PRKN: variants seen among roughly 807,000 people sequenced by gnomAD.
PRKN encodes the protein E3 ubiquitin-protein ligase parkin.
PRKN carries 56 observed loss-of-function variants against 59.5 expected under a neutral mutation model. That is an observed-to-expected ratio of 0.94 (90% CI 0.76 to 1.18). The LOEUF (loss-of-function observed/expected upper bound fraction) is 1.18. Ranked by LOEUF, PRKN falls within the 50% of genes most tolerant of loss-of-function variation. The pLI is 0.00. For synonymous variants in PRKN, 250 were observed against 222.1 expected, an observed-to-expected ratio of 1.13 and a Z score of -1.12; for missense variants, 657 against 596.4, an observed-to-expected ratio of 1.10 and a Z score of -1.06.
chr6:161,441,582 T>C (rs755859188), intron 9 of PRKN, among the ~76,000 whole-genome samples: 1 of 145,460 alleles, frequency 6.9e-6, no homozygotes, highest in Non-Finnish European at 1.5e-5. Flanking sequence ...GAGGTGGAGG[T>C]TGCAGTGAGC....
chr6:161,936,806 G>A (rs1487962918), intron 6 of PRKN, among the ~76,000 whole-genome samples: 1 of 145,188 alleles, frequency 6.9e-6, no homozygotes, highest in Non-Finnish European at 1.5e-5. Context: ...TTTTTTTTGA[G>A]ACAGAGTCTT....
chr6:162,211,460 T>C (rs1207545680), intron 3 of PRKN, among the ~76,000 whole-genome samples: 7 of 152,200 alleles, frequency 4.6e-5, no homozygotes, highest in Non-Finnish European at 8.8e-5. Flanking sequence ...TGAGAATCAA[T>C]ACAATTTCTT....
chr6:162,293,435 A>T (rs1781527861), intron 2 of PRKN, among the ~76,000 whole-genome samples: 1 of 152,216 alleles, frequency 6.6e-6, no homozygotes, highest in Non-Finnish European at 1.5e-5. Context: ...TACTCCATTC[A>T]TGGAGGAGGT....
chr6:161,917,196 C>T (rs1168977786), intron 6 of PRKN, among the ~76,000 whole-genome samples: 1 of 150,706 alleles, frequency 6.6e-6, no homozygotes, highest in Non-Finnish European at 1.5e-5. Context: ...ACCTGCAGCT[C>T]CAGGGCTCAA....
intron 6 of PRKN, among the ~76,000 whole-genome samples, chr6:161,915,164 T>C (rs1778508766): frequency 6.6e-6 from 1 of 152,106 alleles, no homozygotes; most frequent in African/African-American, 2.4e-5. Flanking sequence ...TGTATGCCTG[T>C]AGTCCCAGCT....
At chr6:162,118,091 T>G (rs1780751496) in intron 4 of PRKN, among the ~76,000 whole-genome samples, 2 of 149,266 alleles carry the variant, frequency 1.3e-5, no homozygotes, top group Non-Finnish European at 3.0e-5. Context: ...AGTGAAACAT[T>G]TTCATTAACA....
chr6:161,654,697 G>A (rs1034971801), intron 7 of PRKN, among the ~76,000 whole-genome samples: 3 of 152,194 alleles, frequency 2.0e-5, no homozygotes, highest in Non-Finnish European at 2.9e-5. Flanking sequence ...GTGTATCTAC[G>A]TAGGATGTAG....
rs1028328147 is a variant in PRKN, at chr6:161,373,087, G to A, written c.1168-12882C>T. On this transcript the variant is annotated intron_variant, in intron 10 of 11. Transcript: ENST00000366898. The surrounding 1 kb of genome is among the most constrained non-coding windows in gnomAD (Gnocchi z 4.8). ...TGGCCTCCCAAAGTGTGGGGCTGCC[G>A]GTGTGAACCACCACACTCGGTAGGG... Among the ~76,000 whole-genome samples the A allele has an allele frequency of 1.6e-4, 25 of 152,030 alleles. No homozygotes were observed. Among genetic ancestry groups the A allele is most frequent in the African/African-American group, 5.8e-4 (24 of 41,396 alleles).
intron 9 of PRKN, among the ~76,000 whole-genome samples, chr6:161,472,363 T>G (rs538198925): frequency 6.6e-6 from 1 of 151,968 alleles, no homozygotes; most frequent in East Asian, 1.9e-4. Context: ...GAAAAATGGG[T>G]CAACTAATTT....
intron 5 of PRKN, among the ~76,000 whole-genome samples, chr6:162,030,509 C>T (rs1783596469): frequency 2.0e-5 from 3 of 152,142 alleles, no homozygotes; most frequent in Non-Finnish European, 4.4e-5. Flanking sequence ...GGAATCAAGC[C>T]TTCTTTTTAC....
chr6:162,703,960 C>T (rs960769088), intron 1 of PRKN, among the ~76,000 whole-genome samples: 5 of 152,182 alleles, frequency 3.3e-5, no homozygotes, highest in East Asian at 1.9e-4. Flanking sequence ...GCCCTTCTCA[C>T]GTGGAGACCA....
intron 1 of PRKN, among the ~76,000 whole-genome samples, chr6:162,577,083 C>A (rs1780588032): frequency 6.6e-6 from 1 of 152,022 alleles, no homozygotes; most frequent in Non-Finnish European, 1.5e-5. Flanking sequence ...CAAAAACACA[C>A]ATATGCAAAT....
At position 161,549,998 on chromosome 6, in the gene PRKN, T is replaced by G. The variant is rs576620742; in HGVS notation, c.934-995A>C. Among the ~76,000 whole-genome samples the G allele has an allele frequency of 3.3e-5, 5 of 152,038 alleles. No homozygotes were observed. The South Asian group carries it at 1.0e-3, about 32-fold the overall frequency. The stretch of plus-strand genomic sequence containing the variant: ...AGGGAGAGTCCAAAGAAGGTGGAGA[T>G]TTCAATTTTAAAGAGGTGATTACAG... On this transcript the variant is annotated intron_variant, in intron 8 of 11. Transcript: ENST00000366898. This position sits in a 1 kb window ranked among gnomAD's most constrained non-coding sequence, Gnocchi z 6.0.
Position 161,448,546 on chromosome 6 carries a change from T to C in PRKN, c.1084-61669A>G, listed in dbSNP as rs1196016346. ...AGATCTTGCGATTCTCTTATCCCAG[T>C]TTCTTCCGTCTTTCTTCTCTTCTTT... is the stretch of plus-strand genomic sequence containing the variant. On this transcript the variant is annotated intron_variant, in intron 9 of 11. Coordinates refer to ENST00000366898, the MANE Select transcript of PRKN (RefSeq NM_004562.3). This position sits in a 1 kb window ranked among gnomAD's most constrained non-coding sequence, Gnocchi z 5.1. Among the ~76,000 whole-genome samples, 1 of 152,240 alleles carries C rather than the reference T, an allele frequency of 6.6e-6. No individual in the cohort carries two copies. The highest frequency in any genetic ancestry group is 2.4e-5 in the African/African-American group (1 of 41,468).
chr6:162,257,327 A>T (rs747282097), intron 3 of PRKN, among the ~76,000 whole-genome samples: 2 of 152,146 alleles, frequency 1.3e-5, no homozygotes, highest in African/African-American at 2.4e-5. Flanking sequence ...AAAGCAAAAA[A>T]TTCTGAAAAA....
intron 4 of PRKN, among the ~76,000 whole-genome samples, chr6:162,170,950 A>G (rs954772451): frequency 6.6e-6 from 1 of 152,234 alleles, no homozygotes; most frequent in African/African-American, 2.4e-5. Flanking sequence ...ACATATGAAA[A>G]TAACTATCCA....
intron 1 of PRKN, among the ~76,000 whole-genome samples, chr6:162,510,716 G>C (rs955666587): frequency 1.3e-5 from 2 of 152,136 alleles, no homozygotes; most frequent in African/African-American, 2.4e-5. Flanking sequence ...GAGGTCAAGA[G>C]TTCAAGACCA....
At chr6:161,972,471 T>C (rs1780855225) in intron 6 of PRKN, among the ~76,000 whole-genome samples, 1 of 152,160 alleles carries the variant, frequency 6.6e-6, no homozygotes, top group South Asian at 2.1e-4. Flanking sequence ...TTCTTCCACT[T>C]TGTCCTTGGC....
intron 2 of PRKN, among the ~76,000 whole-genome samples, chr6:162,369,013 A>T (rs1424376311): frequency 6.6e-6 from 1 of 152,186 alleles, no homozygotes; most frequent in Non-Finnish European, 1.5e-5. Flanking sequence ...TCATTACCCC[A>T]TCCATATTTT....
Sources: allele counts gnomAD v4.1 joint callset (sites outside exome capture counted in the v4.1 genomes callset), GRCh38; gene constraint gnomAD v4.1.1; non-coding constraint Gnocchi (gnomAD v3.1); transcripts MANE v1.5; gene names NCBI Gene and HGNC (gene_info 2026-07-23, HGNC 2026-07-21).